The following CD82 variants were observed in gnomAD, a reference collection of about 807,000 sequenced individuals.
CD82 encodes the protein CD82 molecule.
CD82 carries 36 observed loss-of-function variants against 37.4 expected under a neutral mutation model. The ratio of observed to expected loss-of-function variants is 0.96; its 90% CI spans 0.74 to 1.27. The LOEUF is 1.27. Among genes scored for constraint, CD82 ranks in the 50% most tolerant of loss-of-function variants. The pLI, the probability that CD82 is intolerant of heterozygous loss-of-function variation, is 0.00. For missense variants in CD82, 340 were observed against 347.0 expected, an observed-to-expected ratio of 0.98 and a Z score of 0.16; for synonymous variants, 158 against 137.4, an observed-to-expected ratio of 1.15 and a Z score of -1.05.
chr11:44,600,425 C>A (rs1324065159), intron 4 of CD82, among the ~76,000 whole-genome samples, 195 bp downstream of exon 4: 3 of 152,208 alleles, frequency 2.0e-5, no homozygotes, highest in African/African-American at 4.8e-5. Flanking sequence ...GGAATTTTCT[C>A]TTCTTCCCCG....
At chr11:44,605,569 A>G in intron 6 of CD82, 140 bp downstream of exon 6, 1 of 721,494 alleles carries the variant, frequency 1.4e-6, no homozygotes, top group Non-Finnish European at 2.4e-6. Context: ...CCTGGACACT[A>G]TTCCTTGTGA....
At chr11:44,586,375 G>A (rs569111256) in intron 1 of CD82, among the ~76,000 whole-genome samples, 2 of 152,270 alleles carry the variant, frequency 1.3e-5, no homozygotes, top group African/African-American at 2.4e-5. Flanking sequence ...GCCCGTCTGT[G>A]TGCATCTTTC....
chr11:44,618,057 T>C (rs1241859795), intron 7 of CD82, 105 bp from the exon 8 acceptor site: 2 of 901,160 alleles, frequency 2.2e-6, no homozygotes, highest in Non-Finnish European at 3.5e-6. Context: ...GGCCTGGAAG[T>C]GGCATATCTC....
rs559146646 is a variant in CD82, at chr11:44,593,718, T to G, written c.-20-925T>G. 2.2e-4 allele frequency among the ~76,000 whole-genome samples: 34 copies of G among 152,300 alleles called. 1 individual carries two copies. The East Asian group carries it at 6.6e-3, about 29-fold the overall frequency. ...TATGGGATGGCCACATCTGAGACTT[T>G]AACCTGGGGCCACTGGGGTTCCTGA... On this transcript the variant is annotated intron_variant, in intron 2 of 9. Coordinates refer to ENST00000227155, the MANE Select transcript of CD82 (RefSeq NM_002231.4).
chr11:44,618,743 T>TC lies in CD82; in HGVS notation c.726+23dup. The TC allele has an allele frequency of 6.3e-7, 1 of 1,597,896 alleles. No individual in the cohort carries two copies. The highest frequency in any genetic ancestry group is 8.6e-7 in the Non-Finnish European group (1 of 1,166,634). On this transcript the variant is annotated intron_variant, in intron 9 of 9. Transcript: ENST00000227155. ...ATCGAGGTCTGAGCCCCCTCCCCCA[T>TC]CCCTTCTCCATCCCAGGTCCTCCTG... is the stretch of plus-strand genomic sequence containing the variant.
In CD82 at chr11:44,620,034, A is replaced by G. The variant is rs115328824; in HGVS notation, c.*908A>G. 3,620 of 152,412 alleles carry G rather than the reference A, an allele frequency of 0.024. 147 individuals carry two copies. Among genetic ancestry groups the G allele is most frequent in the African/African-American group, 0.082 (3,403 of 41,456 alleles). 9.4% of individuals were successfully genotyped at this position (152,412 alleles called of 1,614,324 possible). ...AGGCCATGCCCTAGGGACACGGCCT[A>G]GGGGAGCTGGGCTGGAGGGGGTCTG... On this transcript the variant is annotated 3_prime_UTR_variant, in exon 10 of 10. Coordinates refer to ENST00000227155, the MANE Select transcript of CD82 (RefSeq NM_002231.4).
chr11:44,611,601 A>G lies in CD82; in HGVS notation c.337-3671A>G, dbSNP rs1452933943. ...TCCAAGGAGTGGGTTTCTGCAGGGC[A>G]GGCAGAAACAATGGAGCGGTCCCTG... is the stretch of plus-strand genomic sequence containing the variant. On this transcript the variant is annotated intron_variant, in intron 6 of 9. Transcript: ENST00000227155. Among the ~76,000 whole-genome samples the G allele has an allele frequency of 2.6e-5, 4 of 152,248 alleles. No individual in the cohort carries two copies. The East Asian group carries it at 7.7e-4, about 29-fold the overall frequency.
chr11:44,615,351 C>A lies in CD82; in HGVS notation c.416C>A (p.Ala139Asp), dbSNP rs1413360133. Residue 139 changes from alanine to aspartate, a missense_variant, in exon 7 of 10, where the codon GCC (alanine) becomes GAC (aspartate). By Grantham distance (126) the Ala-to-Asp change is moderately radical (BLOSUM62 -2). Coordinates refer to ENST00000227155, the MANE Select transcript of CD82 (RefSeq NM_002231.4). Reference sequence around the variant, plus strand: ...AGTCGCGAGGACAGCCTGCAGGATGCCTGGGACTACGTGCAGGCTCAGGTG... The same window carrying A: ...AGTCGCGAGGACAGCCTGCAGGATGACTGGGACTACGTGCAGGCTCAGGTG... ...NSSREDSLQDAWDYVQAQVKC... is the reference protein window; with the variant it reads ...NSSREDSLQDDWDYVQAQVKC... 2 of 1,612,066 alleles carry A rather than the reference C, an allele frequency of 1.2e-6. No individual in the cohort carries two copies. Among genetic ancestry groups the A allele is most frequent in the Non-Finnish European group, 1.7e-6 (2 of 1,178,098 alleles).
intron 4 of CD82, 78 bp from the exon 5 acceptor site, chr11:44,604,980 C>T (rs940032792): frequency 4.4e-6 from 7 of 1,603,162 alleles, no homozygotes; most frequent in East Asian, 4.5e-5. Flanking sequence ...AGAGGGGATC[C>T]GGAAGAAGAC....
At chr11:44,608,240 A>C (rs1853428123) in intron 6 of CD82, 1 of 152,124 alleles carries the variant, frequency 6.6e-6, no homozygotes, top group Non-Finnish European at 1.5e-5. Flanking sequence ...AGGCCTTTTG[A>C]AAGGAGATAG....
intron 9 of CD82, 72 bp from the exon 10 acceptor site, chr11:44,618,977 C>A: frequency 1.5e-6 from 2 of 1,315,478 alleles, no homozygotes; most frequent in Non-Finnish European, 2.2e-6. Context: ...CCATGTAAAC[C>A]TGGATGGTGA....
At chr11:44,587,889 G>A (rs755373622) in intron 2 of CD82, 20 of 278,638 alleles carry the variant, frequency 7.2e-5, no homozygotes, top group Non-Finnish European at 1.4e-4. Context: ...GCCTTCAGGT[G>A]GCCGAGAACT....
Position 44,577,655 on chromosome 11 carries a change from G to A in CD82, c.-102-9820G>A, listed in dbSNP as rs542420383. On this transcript the variant is annotated intron_variant, in intron 1 of 9. Transcript: ENST00000227155. ...TCTTCTCTGAACCCTGGTTTCCTTC[G>A]TCGAAAAGTAAGGAAGCTACTTTCC... Among the ~76,000 whole-genome samples, 9 of 152,180 alleles carry A rather than the reference G, an allele frequency of 5.9e-5. No homozygotes were observed. The South Asian group carries it at 1.5e-3, about 25-fold the overall frequency.
At chr11:44,614,523 G>T (rs1340490272) in intron 6 of CD82, among the ~76,000 whole-genome samples, 1 of 152,270 alleles carries the variant, frequency 6.6e-6, no homozygotes, top group Non-Finnish European at 1.5e-5. Context: ...GAGCGTGCCA[G>T]ATGTGGTCCC....
intron 6 of CD82, among the ~76,000 whole-genome samples, chr11:44,610,831 C>CTTT (rs113238043): frequency 3.7e-4 from 56 of 150,214 alleles, no homozygotes; most frequent in African/African-American, 1.3e-3. Flanking sequence ...TATTGAAATT[C>CTTT]TTTTTTTTTT....
chr11:44,564,460 G>A (rs1044608045), upstream of CD82: 2 of 456,178 alleles, frequency 4.4e-6, no homozygotes, highest in Admixed American at 2.3e-5. Flanking sequence ...AAGTGAAAGA[G>A]CTTTGTCAGC....
At chr11:44,588,401 T>A (rs761885491) in intron 2 of CD82, among the ~76,000 whole-genome samples, 1 of 152,058 alleles carries the variant, frequency 6.6e-6, no homozygotes, top group Admixed American at 6.6e-5. Flanking sequence ...GTTTTGTATT[T>A]TTAATAGAGA....
intron 7 of CD82, among the ~76,000 whole-genome samples, chr11:44,617,034 T>C (rs79332132): frequency 0.088 from 13,377 of 152,148 alleles, 750 homozygotes; most frequent in Non-Finnish European, 0.13. Flanking sequence ...CATTTCTGAG[T>C]GTGCCTGGCA....
intron 6 of CD82, among the ~76,000 whole-genome samples, chr11:44,609,998 G>A (rs1214034991): frequency 6.6e-6 from 1 of 152,202 alleles, no homozygotes; most frequent in Non-Finnish European, 1.5e-5. Flanking sequence ...CTGGGATGCA[G>A]CCTCTGAGCT....
Sources: allele counts gnomAD v4.1 joint callset (sites outside exome capture counted in the v4.1 genomes callset), GRCh38; gene constraint gnomAD v4.1.1; transcripts MANE v1.5; gene names NCBI Gene and HGNC (gene_info 2026-07-23, HGNC 2026-07-21).